Variants in PIK3R1 observed in about 807,000 individuals in gnomAD.
The protein encoded by PIK3R1 is phosphatidylinositol 3-kinase regulatory subunit alpha.
Under a neutral mutation model 98.0 loss-of-function variants are expected in PIK3R1, and 29 were observed. The ratio of observed to expected loss-of-function variants is 0.30; its 90% CI spans 0.22 to 0.40. The LOEUF (loss-of-function observed/expected upper bound fraction) is 0.40. Among genes scored for constraint, PIK3R1 ranks in the 10% least tolerant of loss-of-function variants. The pLI, the probability that PIK3R1 is intolerant of heterozygous loss-of-function variation, is 1.00. For synonymous variants in PIK3R1, 282 were observed against 311.8 expected (o/e 0.90, Z 1.01); for missense variants, 596 against 872.7 (o/e 0.68, Z 3.99).
rs2112252782 is a variant in PIK3R1 at position 68,293,135 on chromosome 5, G to C, written c.1054G>C (p.Asp352His). 6.2e-7 allele frequency: 1 copy of C among 1,613,898 alleles called. No individual in the cohort carries two copies. The highest frequency in any genetic ancestry group is 8.5e-7 in the Non-Finnish European group (1 of 1,179,830). Residue 352 changes from aspartate (D) to histidine (H), a missense_variant, in exon 9 of 16, where the codon GAC becomes CAC. Asp to His is a moderately conservative substitution (Grantham distance 81). Transcript: ENST00000521381. ...EVNEKLRDTA[D>H]GTFLVRDAST... ...GAATGAAAAACTTCGAGATACAGCA[G>C]ACGGGACCTTTTTGGTACGAGATGC...
chr5:68,277,698 A>G (rs1746637985), intron 4 of PIK3R1, among the ~76,000 whole-genome samples: 1 of 152,148 alleles, frequency 6.6e-6, no homozygotes, highest in African/African-American at 2.4e-5. Flanking sequence ...CTTTGCAGTA[A>G]ACTTTCATAC....
intron 1 of PIK3R1, chr5:68,217,326 T>C (rs914268470): frequency 6.6e-6 from 1 of 152,308 alleles, no homozygotes; most frequent in East Asian, 1.9e-4. Context: ...AGATATTAGC[T>C]AGGAAGGGTT....
At chr5:68,259,044 A>C (rs1043424220) in intron 2 of PIK3R1, among the ~76,000 whole-genome samples, 1 of 152,170 alleles carries the variant, frequency 6.6e-6, no homozygotes, top group African/African-American at 2.4e-5. Context: ...TAAGTAACCA[A>C]GTTCACACTA....
At chr5:68,236,062 G>C (rs1744653587) in intron 2 of PIK3R1, among the ~76,000 whole-genome samples, 1 of 150,980 alleles carries the variant, frequency 6.6e-6, no homozygotes, top group East Asian at 2.0e-4. Flanking sequence ...GTAGAGACAG[G>C]GTTTCACCAT....
At chr5:68,275,391 G>A (rs144730401) in intron 4 of PIK3R1, among the ~76,000 whole-genome samples, 195 of 152,126 alleles carry the variant, frequency 1.3e-3, no homozygotes, top group African/African-American at 4.4e-3. Flanking sequence ...TCAGAAAATT[G>A]GTCAAATTAT....
At chr5:68,267,096 G>A (rs995188005) in intron 2 of PIK3R1, among the ~76,000 whole-genome samples, 1 of 152,148 alleles carries the variant, frequency 6.6e-6, no homozygotes, top group African/African-American at 2.4e-5. Context: ...GTGAGGAGAG[G>A]AGGAAATCCC....
At chr5:68,295,561 T>C (rs780192658) in intron 14 of PIK3R1, 73 bp downstream of exon 14, 321 of 1,296,852 alleles carry the variant, frequency 2.5e-4, no homozygotes, top group Non-Finnish European at 3.2e-4. Flanking sequence ...TTGCTTTGTT[T>C]TTAGAACAAG....
At chr5:68,294,455 A>C in intron 11 of PIK3R1, 81 bp from the exon 12 acceptor site, 1 of 1,036,200 alleles carries the variant, frequency 9.7e-7, no homozygotes, top group Non-Finnish European at 1.4e-6. Context: ...AATAATACAG[A>C]TCAAATGTCC....
rs1481812934 is a variant in PIK3R1, at chr5:68,297,412, G to T, written c.1986G>T (p.Val662=). The T allele has an allele frequency of 1.2e-6, 2 of 1,612,508 alleles. No individual in the cohort carries two copies. Among genetic ancestry groups the T allele is most frequent in the South Asian group, 2.2e-5 (2 of 90,888 alleles). The change falls in exon 16 of 16, where the codon GTG becomes GTT. Residue 662 remains valine (V), a splice_region_variant and synonymous_variant. Coordinates refer to ENST00000521381, the MANE Select transcript of PIK3R1 (RefSeq NM_181523.3). ...ACAGTTTTTCTTCTCTCCTCTCTAG[G>T]GTGGACGGCGAAGTAAAGCATTGTG... ...SKQGCYACSV[V]VDGEVKHCVI... is the part of the protein sequence containing the mutation.
intron 2 of PIK3R1, among the ~76,000 whole-genome samples, chr5:68,241,524 C>T (rs1213903508): frequency 6.6e-6 from 1 of 152,074 alleles, no homozygotes; most frequent in Non-Finnish European, 1.5e-5. Flanking sequence ...TGACTCCTTA[C>T]TAACACAATT....
intron 2 of PIK3R1, among the ~76,000 whole-genome samples, chr5:68,248,967 A>C (rs1745201548): frequency 6.6e-6 from 1 of 152,250 alleles, no homozygotes; most frequent in African/African-American, 2.4e-5. Flanking sequence ...TATGGATGTC[A>C]GCGTTAGGCT....
chr5:68,295,607 A>G (rs1336037799), intron 14 of PIK3R1, 119 bp downstream of exon 14: 1 of 837,844 alleles, frequency 1.2e-6, no homozygotes, highest in African/African-American at 1.7e-5. Context: ...ATCTTGTAGG[A>G]GAAAATGTAT....
At chr5:68,227,411 G>A (rs189922985) in intron 2 of PIK3R1, among the ~76,000 whole-genome samples, 1 of 152,228 alleles carries the variant, frequency 6.6e-6, no homozygotes, top group Admixed American at 6.5e-5. Flanking sequence ...TCTCATTAGA[G>A]CATTCCAGAA....
At chr5:68,283,735 G>T (rs568511022) in intron 7 of PIK3R1, among the ~76,000 whole-genome samples, 1 of 152,302 alleles carries the variant, frequency 6.6e-6, no homozygotes, top group East Asian at 1.9e-4. Context: ...ATAGAGGTTC[G>T]CTCTGTGCTA....
chr5:68,300,240 A>G lies in PIK3R1; in HGVS notation c.*2639A>G, dbSNP rs1747964808. ...AAAGTAGGATTCATCATTCCATATG[A>G]CTTGAGTTACACCAGACCTGTTCTG... On this transcript the variant is annotated 3_prime_UTR_variant, in exon 16 of 16. Transcript: ENST00000521381. 4.3e-6 allele frequency: 1 copy of G among 233,012 alleles called. No individual in the cohort carries two copies. Among genetic ancestry groups the G allele is most frequent in the African/African-American group, 2.2e-5 (1 of 45,326 alleles). The allele number at this position is 233,012 out of a possible 1,614,324, so 14.4% of individuals were successfully genotyped here.
chr5:68,292,698 A>G, intron 8 of PIK3R1: 1 of 1,275,944 alleles, frequency 7.8e-7, no homozygotes, highest in Non-Finnish European at 1.0e-6. Flanking sequence ...AAACAATGCC[A>G]TTTTATGTTA....
In PIK3R1 at chr5:68,299,654, C is replaced by G; in HGVS notation, c.*2053C>G. 1 of 233,140 alleles carries G rather than the reference C, an allele frequency of 4.3e-6. No homozygotes were observed. The highest frequency in any genetic ancestry group is 8.5e-6 in the Non-Finnish European group (1 of 117,984). 14.4% of individuals were successfully genotyped at this position (233,140 alleles called of 1,614,324 possible). A position where few individuals can be genotyped will look rare whatever the true frequency, so the allele number is the denominator to read the frequency against. On this transcript the variant is annotated 3_prime_UTR_variant, in exon 16 of 16. Transcript: ENST00000521381. ...TACTCTTTCTCCATATTAGATTTAC[C>G]CACAGCTATATTTCTGTTTAAGTAC... is the stretch of plus-strand genomic sequence containing the variant.
At chr5:68,225,644 T>A (rs1744245539) in intron 1 of PIK3R1, among the ~76,000 whole-genome samples, 1 of 152,212 alleles carries the variant, frequency 6.6e-6, no homozygotes, top group Non-Finnish European at 1.5e-5. Flanking sequence ...CACACCTTTC[T>A]CGCACACTGT....
chr5:68,294,457 C>A, intron 11 of PIK3R1, 79 bp from the exon 12 acceptor site: 1 of 1,051,250 alleles, frequency 9.5e-7, no homozygotes. Context: ...TAATACAGAT[C>A]AAATGTCCTG....
Sources: gnomAD v4.1 joint callset for allele counts (sites outside exome capture counted in the v4.1 genomes callset) on GRCh38, gnomAD v4.1.1 for gene constraint, MANE v1.5 for transcripts, NCBI Gene and HGNC (gene_info 2026-07-23, HGNC 2026-07-21) for gene names.